The following RBFOX1 variants were observed in gnomAD, a reference collection of about 807,000 sequenced individuals.
RBFOX1 encodes RNA binding protein fox-1 homolog 1.
A neutral mutation model predicts 57.7 loss-of-function variants in RBFOX1; 8 were observed. That is an observed-to-expected ratio of 0.14 (90% CI 0.08 to 0.25). The LOEUF is 0.25. Ranked by LOEUF, RBFOX1 falls within the 10% of genes least tolerant of loss-of-function variation. The pLI is 1.00. For missense variants in RBFOX1, 611 were observed against 548.5 expected (o/e 1.11, Z -1.14); for synonymous variants, 326 against 222.4 (o/e 1.47, Z -4.15).
In RBFOX1 at chr16:7,032,804, T is replaced by C. The variant is rs561462277; in HGVS notation, c.-15-19253T>C. On this transcript the variant is annotated intron_variant, in intron 3 of 15. Coordinates refer to ENST00000550418, the MANE Select transcript of RBFOX1 (RefSeq NM_018723.4). ...ACCCCCGCCTTGGGTCTACCTGAAC[T>C]AAAAATGCGTTTGGTGTCTCCAGGC... Among the ~76,000 whole-genome samples, 346 of 152,296 alleles carry C rather than the reference T, an allele frequency of 2.3e-3. 2 individuals are homozygous for C. The highest frequency in any genetic ancestry group is 8.0e-3 in the African/African-American group (331 of 41,574).
At chr16:7,140,901 CT>C (rs1347168122) in intron 4 of RBFOX1, among the ~76,000 whole-genome samples, 2 of 152,192 alleles carry the variant, frequency 1.3e-5, no homozygotes, top group Admixed American at 6.5e-5. Flanking sequence ...GCGTTGGCAT[CT>C]TTCCCAAAGG....
At chr16:7,173,043 A>C (rs1023370559) in intron 4 of RBFOX1, among the ~76,000 whole-genome samples, 5 of 152,238 alleles carry the variant, frequency 3.3e-5, no homozygotes, top group African/African-American at 4.8e-5. Context: ...TGGTAGAAAT[A>C]AGATATTAGT....
At position 5,426,429 on chromosome 16, in the gene RBFOX1, G is replaced by A. The variant is rs77712379; in HGVS notation, c.220-40787G>A. On this transcript the variant is annotated intron_variant, in intron 1 of 2. Transcript: ENST00000585867. ...CCATTGAACCTAAAAGACTAAAACC[G>A]TACCCAGCGTTTGCAGCCACCGCCA... Among the ~76,000 whole-genome samples the A allele has an allele frequency of 8.9e-3, 1,361 of 152,250 alleles. 19 individuals are homozygous for A. The highest frequency in any genetic ancestry group is 0.032 in the African/African-American group (1,313 of 41,534).
intron 3 of RBFOX1, among the ~76,000 whole-genome samples, chr16:6,915,621 G>C (rs2072958380): frequency 6.8e-6 from 1 of 146,662 alleles, no homozygotes; most frequent in Admixed American, 6.9e-5. Flanking sequence ...CATGATCTCA[G>C]GTCACTGCAA....
chr16:6,446,001 G>A (rs1399288001), intron 2 of RBFOX1, among the ~76,000 whole-genome samples: 1 of 151,388 alleles, frequency 6.6e-6, no homozygotes, highest in African/African-American at 2.4e-5. Context: ...GTCTCTGTTT[G>A]TCATTCAGAC....
Position 6,651,132 on chromosome 16 carries a change from C to T in RBFOX1, c.-63-3471C>T, listed in dbSNP as rs1475411404. On this transcript the variant is annotated intron_variant, in intron 2 of 15. Coordinates refer to ENST00000550418, the MANE Select transcript of RBFOX1 (RefSeq NM_018723.4). Reference sequence around the variant, plus strand: ...AGCCAGGCTGATCTCAAACACCTGACCTCAGGTGATCCACCCGCCTCAGTC... The same window carrying T: ...AGCCAGGCTGATCTCAAACACCTGATCTCAGGTGATCCACCCGCCTCAGTC... Among the ~76,000 whole-genome samples the T allele has an allele frequency of 4.6e-5, 7 of 152,280 alleles. No homozygotes were observed. The East Asian group carries it at 1.4e-3, about 29-fold the overall frequency.
In RBFOX1 at chr16:5,903,099, GGTGTGT is replaced by G. The variant is rs138162092; in HGVS notation, c.351+35772_351+35777del. Among the ~76,000 whole-genome samples, 13 of 151,422 alleles carry G rather than the reference GGTGTGT, an allele frequency of 8.6e-5. No homozygotes were observed. The East Asian group carries it at 2.3e-3, about 27-fold the overall frequency. On this transcript the variant is annotated intron_variant, in intron 4 of 19. Transcript: ENST00000641259. ...TGTTTGTATTAGATGGGTGTGTGTG[GGTGTGT>G]GTGTGTGGGTGTGGGTGTGTGTATG...
intron 4 of RBFOX1, among the ~76,000 whole-genome samples, chr16:5,886,619 G>A (rs991017727): frequency 6.6e-6 from 1 of 152,224 alleles, no homozygotes; most frequent in Non-Finnish European, 1.5e-5. Context: ...TGGGCGCGGT[G>A]GCTCACGCCT....
chr16:5,641,209 G>GCATA (rs2048862266), intron 3 of RBFOX1, among the ~76,000 whole-genome samples: 1 of 152,088 alleles, frequency 6.6e-6, no homozygotes, highest in Admixed American at 6.5e-5. Context: ...TGCACACCAT[G>GCATA]CATACATACA....
chr16:6,490,158 G>C (rs187360387), intron 2 of RBFOX1, among the ~76,000 whole-genome samples: 152 of 152,214 alleles, frequency 1.0e-3, no homozygotes, highest in African/African-American at 3.4e-3. Flanking sequence ...TGGGTTTTTA[G>C]TGAATAGCAA....
At chr16:6,034,978 T>C (rs1316486549) in intron 1 of RBFOX1, among the ~76,000 whole-genome samples, 2 of 152,116 alleles carry the variant, frequency 1.3e-5, no homozygotes, top group African/African-American at 2.4e-5. Flanking sequence ...GAGCATACTA[T>C]TGAGTTACAA....
chr16:5,484,893 C>CA (rs2069672202), intron 2 of RBFOX1, among the ~76,000 whole-genome samples: 1 of 146,592 alleles, frequency 6.8e-6, no homozygotes, highest in Admixed American at 6.7e-5. Context: ...GAGACTCCAT[C>CA]CAAAAAAAAA....
chr16:7,537,444 G>T (rs1267717749), intron 5 of RBFOX1, among the ~76,000 whole-genome samples: 2 of 152,204 alleles, frequency 1.3e-5, no homozygotes, highest in African/African-American at 4.8e-5. Context: ...ATGTGACTCA[G>T]TGTGTTCCCT....
intron 1 of RBFOX1, among the ~76,000 whole-genome samples, chr16:6,132,494 G>T (rs1358772810): frequency 6.6e-6 from 1 of 152,140 alleles, no homozygotes; most frequent in African/African-American, 2.4e-5. Context: ...TCGAAGTCTT[G>T]GAGTCACTTG....
chr16:6,847,265 G>C (rs2093805872), intron 3 of RBFOX1, among the ~76,000 whole-genome samples: 1 of 152,148 alleles, frequency 6.6e-6, no homozygotes, highest in Non-Finnish European at 1.5e-5. Flanking sequence ...TTCTAGGCTG[G>C]CTGGGGTTTG....
chr16:5,373,710 TCTC>T (rs928242386), intron 1 of RBFOX1, among the ~76,000 whole-genome samples: 3 of 151,696 alleles, frequency 2.0e-5, no homozygotes, highest in Non-Finnish European at 4.4e-5. Flanking sequence ...TTCAGGCTAT[TCTC>T]CTGTCTCAGC....
intron 4 of RBFOX1, among the ~76,000 whole-genome samples, chr16:7,426,148 C>T (rs1214230604): frequency 6.6e-6 from 1 of 152,216 alleles, no homozygotes; most frequent in African/African-American, 2.4e-5. Flanking sequence ...CCACCCTTGC[C>T]TAGGCAGGGT....
intron 4 of RBFOX1, among the ~76,000 whole-genome samples, chr16:7,301,283 A>G (rs1479612148): frequency 6.6e-6 from 1 of 152,214 alleles, no homozygotes; most frequent in Non-Finnish European, 1.5e-5. Context: ...GTTTATGGGA[A>G]GGGGACTTGT....
In RBFOX1 at chr16:5,556,023, A is replaced by AC. The variant is rs1441968681; in HGVS notation, c.259-42879_259-42878insC. On this transcript the variant is annotated intron_variant, in intron 2 of 2. Transcript: ENST00000585867. Reference sequence around the variant, plus strand: ...GCAAGAGAGTGAGACTCTGTCTCAAAAAAACAAACAAACAAACAAACAAAG... The same window carrying AC: ...GCAAGAGAGTGAGACTCTGTCTCAAACAAAACAAACAAACAAACAAACAAAG... 4.0e-3 allele frequency among the ~76,000 whole-genome samples: 591 copies of AC among 148,150 alleles called. 6 individuals are homozygous for AC. Among genetic ancestry groups the AC allele is most frequent in the African/African-American group, 0.014 (537 of 37,572 alleles).
Sources: gnomAD v4.1 joint callset for allele counts (sites outside exome capture counted in the v4.1 genomes callset) on GRCh38, gnomAD v4.1.1 for gene constraint, MANE v1.5 for transcripts, NCBI Gene and HGNC (gene_info 2026-07-23, HGNC 2026-07-21) for gene names.